The following JAKMIP2 variants were observed in gnomAD, a reference collection of about 807,000 sequenced individuals.
The protein encoded by JAKMIP2 is janus kinase and microtubule-interacting protein 2.
JAKMIP2 carries 25 observed loss-of-function variants against 115.0 expected under a neutral mutation model. The ratio of observed to expected loss-of-function variants is 0.22; its 90% CI spans 0.16 to 0.30. JAKMIP2 has a LOEUF of 0.30. Ranked by LOEUF, JAKMIP2 falls within the 10% of genes least tolerant of loss-of-function variation. The pLI is 1.00. For synonymous variants in JAKMIP2, 334 were observed against 343.6 expected, an observed-to-expected ratio of 0.97 and a Z score of 0.31; for missense variants, 642 against 957.6, an observed-to-expected ratio of 0.67 and a Z score of 4.35.
At chr5:147,660,920 A>G (rs1324702978) in intron 3 of JAKMIP2, 28 bp downstream of exon 3, 8 of 1,607,066 alleles carry the variant, frequency 5.0e-6, no homozygotes, top group Middle Eastern at 1.7e-4. Flanking sequence ...TGGGTTCTAC[A>G]TGGGTCTGAT....
chr5:147,726,209 C>A (rs1167018775), intron 1 of JAKMIP2, among the ~76,000 whole-genome samples: 1 of 152,200 alleles, frequency 6.6e-6, no homozygotes, highest in Non-Finnish European at 1.5e-5. Flanking sequence ...GATGACAAGG[C>A]CCAAGTAGGG....
chr5:147,600,832 T>C (rs1755656024), intron 21 of JAKMIP2, among the ~76,000 whole-genome samples: 1 of 151,964 alleles, frequency 6.6e-6, no homozygotes, highest in Admixed American at 6.6e-5. Flanking sequence ...TCATGAGACA[T>C]GGACTTAATA....
Position 147,646,070 on chromosome 5 carries a change from C to A in JAKMIP2, c.937-1074G>T, listed in dbSNP as rs898585441. ...AGCAAGGAAAAAGGAGGGCTGTATT[C>A]GAAATATTTGAGAAGACTTTTTAAA... On this transcript the variant is annotated intron_variant, in intron 5 of 21. Coordinates refer to ENST00000616793, the MANE Select transcript of JAKMIP2 (RefSeq NM_001270941.2). 3.1e-4 allele frequency among the ~76,000 whole-genome samples: 47 copies of A among 152,016 alleles called. 1 individual carries two copies. The highest frequency in any genetic ancestry group is 3.1e-4 in the Non-Finnish European group (21 of 68,004).
intron 5 of JAKMIP2, among the ~76,000 whole-genome samples, chr5:147,645,514 AT>A (rs1033031746): frequency 2.6e-5 from 4 of 152,254 alleles, no homozygotes; most frequent in Admixed American, 2.0e-4. Flanking sequence ...TTTAAAAGAA[AT>A]TTTATCGAGG....
At chr5:147,605,647 T>C (rs1222803109) in intron 20 of JAKMIP2, among the ~76,000 whole-genome samples, 1 of 152,170 alleles carries the variant, frequency 6.6e-6, no homozygotes, top group South Asian at 2.1e-4. Flanking sequence ...ATCCTTTGGG[T>C]TATATATCCA....
At chr5:147,710,826 C>A (rs1407068157) in intron 1 of JAKMIP2, among the ~76,000 whole-genome samples, 1 of 152,104 alleles carries the variant, frequency 6.6e-6, no homozygotes, top group African/African-American at 2.4e-5. Flanking sequence ...TTACATTATG[C>A]AAATGTGAGG....
rs185848040 is a variant in JAKMIP2, at chr5:147,615,381, G to C, written c.2346+2530C>G. Reference sequence around the variant, plus strand: ...TTAGGATGAGCAATTATGCAACAAGGGCTTAGAGGTGGAAAATCACAGCAC... The same window carrying C: ...TTAGGATGAGCAATTATGCAACAAGCGCTTAGAGGTGGAAAATCACAGCAC... On this transcript the variant is annotated intron_variant, in intron 19 of 21. Coordinates refer to ENST00000616793, the MANE Select transcript of JAKMIP2 (RefSeq NM_001270941.2). Among the ~76,000 whole-genome samples, 15 of 152,232 alleles carry C rather than the reference G, an allele frequency of 9.9e-5. No individual in the cohort carries two copies. The East Asian group carries it at 2.9e-3, about 29-fold the overall frequency.
At chr5:147,595,507 G>A (rs991482767) in intron 21 of JAKMIP2, 3 of 455,474 alleles carry the variant, frequency 6.6e-6, no homozygotes, top group African/African-American at 6.0e-5. Context: ...AAACCTGCTG[G>A]TGCCTCGATC....
chr5:147,699,083 A>G (rs1580800061), intron 1 of JAKMIP2, among the ~76,000 whole-genome samples: 1 of 152,204 alleles, frequency 6.6e-6, no homozygotes. Context: ...TGCTCATGCT[A>G]TGATCTAATC....
chr5:147,746,813 T>C (rs921506559), intron 1 of JAKMIP2, among the ~76,000 whole-genome samples: 1 of 152,250 alleles, frequency 6.6e-6, no homozygotes, highest in Admixed American at 6.5e-5. Context: ...AACTTTATAA[T>C]TGGTGACCTA....
chr5:147,721,834 A>C (rs752922945), intron 1 of JAKMIP2, among the ~76,000 whole-genome samples: 1 of 152,148 alleles, frequency 6.6e-6, no homozygotes, highest in Non-Finnish European at 1.5e-5. Context: ...TGGGAGCTGT[A>C]GACCGGAGCC....
At chr5:147,709,862 C>CA (rs551623265) in intron 1 of JAKMIP2, among the ~76,000 whole-genome samples, 1 of 151,980 alleles carries the variant, frequency 6.6e-6, no homozygotes, top group Non-Finnish European at 1.5e-5. Flanking sequence ...AAAAAACAAA[C>CA]AAAAAAACAA....
chr5:147,677,786 A>C (rs753200774), intron 1 of JAKMIP2, among the ~76,000 whole-genome samples: 22 of 152,348 alleles, frequency 1.4e-4, no homozygotes, highest in Non-Finnish European at 2.6e-4. Flanking sequence ...TAAATCAAGC[A>C]AATTATCATA....
intron 20 of JAKMIP2, among the ~76,000 whole-genome samples, chr5:147,606,635 C>T (rs1479586576): frequency 1.3e-5 from 2 of 152,124 alleles, no homozygotes; most frequent in African/African-American, 2.4e-5. Context: ...CAGCTTTGTT[C>T]TTTTTGCTAG....
chr5:147,665,278 C>T (rs2126791488), intron 2 of JAKMIP2, among the ~76,000 whole-genome samples: 1 of 152,316 alleles, frequency 6.6e-6, no homozygotes, highest in African/African-American at 2.4e-5. Flanking sequence ...GTCTAGTCCA[C>T]AAAGCCTAAA....
chr5:147,670,123 A>G (rs901835501), intron 2 of JAKMIP2, among the ~76,000 whole-genome samples: 4 of 152,232 alleles, frequency 2.6e-5, no homozygotes, highest in African/African-American at 9.6e-5. Flanking sequence ...CAAGGAAACT[A>G]AAAAATTTTC....
In JAKMIP2 at chr5:147,632,777, A is replaced by G. The variant is rs1012645987; in HGVS notation, c.1679T>C (p.Ile560Thr). Residue 560 changes from isoleucine to threonine, a missense_variant and splice_region_variant, in exon 13 of 22, where the codon ATA becomes ACA. Around this residue, in one of 6 missense-constraint regions of JAKMIP2, gnomAD observed 103 missense variants for 177.6 expected, o/e 0.58. Transcript: ENST00000616793. ...IKRNQELLEK[I>T]EKQEAENHRL... is the part of the protein sequence containing the mutation. ...GTGATTTTCTGCCTCCTGTTTTTCT[A>G]TCTAATAAAGTAAATCCTGAAGTTA... 3 of 1,599,436 alleles carry G rather than the reference A, an allele frequency of 1.9e-6. No homozygotes were observed. The highest frequency in any genetic ancestry group is 2.2e-5 in the East Asian group (1 of 44,684).
At chr5:147,731,455 A>T (rs1046324251) in intron 1 of JAKMIP2, among the ~76,000 whole-genome samples, 2 of 152,214 alleles carry the variant, frequency 1.3e-5, no homozygotes, top group Non-Finnish European at 2.9e-5. Flanking sequence ...GGAATAAATG[A>T]GGACTGTTTG....
At chr5:147,702,619 A>AAAGAAAGAAAGAAAGAAAGAAG in intron 1 of JAKMIP2, among the ~76,000 whole-genome samples, 1 of 96,254 alleles carries the variant, frequency 1.0e-5, no homozygotes, top group Non-Finnish European at 2.1e-5. Context: ...AAAGAAAGAA[A>AAAGAAAGAAAGAAAGAAAGAAG]GAAAGAAAGA....
Sources: allele counts gnomAD v4.1 joint callset (sites outside exome capture counted in the v4.1 genomes callset), GRCh38; gene constraint gnomAD v4.1.1; regional missense constraint gnomAD v4.1.1; transcripts MANE v1.5; gene names NCBI Gene and HGNC (gene_info 2026-07-23, HGNC 2026-07-21).